SYT16: variants seen among roughly 807,000 people sequenced by gnomAD.
The protein encoded by SYT16 is synaptotagmin-16.
SYT16 carries 42 observed loss-of-function variants against 61.4 expected under a neutral mutation model. The observed-to-expected ratio is 0.68, with a 90% CI of 0.53 to 0.89. SYT16 has a LOEUF of 0.89. Ranked by LOEUF, SYT16 falls within the 40% of genes least tolerant of loss-of-function variation. SYT16 has a pLI of 0.00. For missense variants in SYT16, 804 were observed against 807.3 expected (o/e 1.00, Z 0.05); for synonymous variants, 314 against 302.3 (o/e 1.04, Z -0.40).
chr14:61,966,632 A>G (rs2051325848), intron 1 of SYT16, among the ~76,000 whole-genome samples: 1 of 152,174 alleles, frequency 6.6e-6, no homozygotes, highest in Non-Finnish European at 1.5e-5. Flanking sequence ...TATTTTGCAG[A>G]TTTTATGTAA....
intron 1 of SYT16, among the ~76,000 whole-genome samples, chr14:61,899,795 G>C (rs1012656817): frequency 6.6e-6 from 1 of 152,278 alleles, no homozygotes; most frequent in Admixed American, 6.5e-5. Flanking sequence ...GATGTGAGGA[G>C]GTTCCTTTAT....
At chr14:62,088,863 A>G (rs1352885476) in intron 7 of SYT16, among the ~76,000 whole-genome samples, 1 of 152,174 alleles carries the variant, frequency 6.6e-6, no homozygotes, top group Admixed American at 6.5e-5. Flanking sequence ...GGGGAATACA[A>G]TCTAGTGTGG....
At chr14:61,817,401 A>G (rs1333405511) in intron 1 of SYT16, among the ~76,000 whole-genome samples, 2 of 151,244 alleles carry the variant, frequency 1.3e-5, no homozygotes, top group African/African-American at 2.4e-5. Context: ...CTGGGCAACA[A>G]GAGCAAAACT....
At chr14:62,078,003 A>G (rs1425351361) in intron 5 of SYT16, among the ~76,000 whole-genome samples, 1 of 152,162 alleles carries the variant, frequency 6.6e-6, no homozygotes, top group East Asian at 1.9e-4. Flanking sequence ...ACTAAGAGCT[A>G]TTAACTAACA....
At chr14:61,860,430 T>TGGG (rs1398240936) in intron 1 of SYT16, among the ~76,000 whole-genome samples, 1 of 152,014 alleles carries the variant, frequency 6.6e-6, no homozygotes, top group African/African-American at 2.4e-5. Flanking sequence ...GTGAATAAGG[T>TGGG]GGGGAGGTGC....
chr14:61,983,992 G>A (rs1347712296), intron 2 of SYT16, among the ~76,000 whole-genome samples: 2 of 152,160 alleles, frequency 1.3e-5, no homozygotes, highest in South Asian at 2.1e-4. Context: ...CCTACTTTTA[G>A]GGCATAAACC....
In SYT16 at chr14:62,108,742, A is replaced by G. The variant is rs2057554168; in HGVS notation, c.*8035A>G. The G allele has an allele frequency of 6.6e-6, 1 of 152,226 alleles. No homozygotes were observed. The highest frequency in any genetic ancestry group is 1.5e-5 in the Non-Finnish European group (1 of 68,032). 9.4% of individuals were successfully genotyped at this position (152,226 alleles called of 1,614,324 possible). A position where few individuals can be genotyped will look rare whatever the true frequency, so the allele number is the denominator to read the frequency against. On this transcript the variant is annotated 3_prime_UTR_variant, in exon 8 of 8. Transcript: ENST00000683842. ...CAGTATAGATTTTAAGTTTGTGAAT[A>G]AGAAATTAGTATTTGTATACCTTAT...
chr14:61,856,380 C>T (rs1050295602), intron 1 of SYT16, among the ~76,000 whole-genome samples: 1 of 152,178 alleles, frequency 6.6e-6, no homozygotes, highest in South Asian at 2.1e-4. Context: ...TGGAGATATA[C>T]ACACACTTAT....
intron 7 of SYT16, among the ~76,000 whole-genome samples, chr14:62,093,335 A>T (rs2057158934): frequency 6.6e-6 from 1 of 152,076 alleles, no homozygotes; most frequent in African/African-American, 2.4e-5. Context: ...AAAATGTGTG[A>T]TAAATAGAAA....
chr14:62,034,888 G>C (rs1463562898), intron 3 of SYT16, among the ~76,000 whole-genome samples: 2 of 152,050 alleles, frequency 1.3e-5, no homozygotes, highest in East Asian at 3.9e-4. Context: ...TTTTAAAAAA[G>C]GCTTCCTCAC....
At chr14:61,862,324 T>A (rs1364082125) in intron 1 of SYT16, among the ~76,000 whole-genome samples, 1 of 152,218 alleles carries the variant, frequency 6.6e-6, no homozygotes, top group Non-Finnish European at 1.5e-5. Flanking sequence ...TCCATCATGA[T>A]AGTTTTGTCT....
intron 3 of SYT16, among the ~76,000 whole-genome samples, chr14:62,031,888 C>G (rs568470842): frequency 6.6e-6 from 1 of 151,934 alleles, no homozygotes; most frequent in South Asian, 2.1e-4. Context: ...AAGACTGTTG[C>G]GATAAGGGAG....
At position 62,006,379 on chromosome 14, in the gene SYT16, G is replaced by A. The variant is rs903399922; in HGVS notation, c.523+9837G>A. On this transcript the variant is annotated intron_variant, in intron 3 of 7. Coordinates refer to ENST00000683842, the MANE Select transcript of SYT16 (RefSeq NM_001367656.1). The stretch of plus-strand genomic sequence containing the variant: ...ATTTTAATCGGTGATTTATGTGCAC[G>A]TCTTAAAAAGCCTTGTCAAGCTCGC... Among the ~76,000 whole-genome samples the A allele has an allele frequency of 5.3e-5, 8 of 152,162 alleles. No individual in the cohort carries two copies. The East Asian group carries it at 7.7e-4, about 15-fold the overall frequency.
intron 1 of SYT16, among the ~76,000 whole-genome samples, chr14:61,848,662 C>T (rs996891898): frequency 1.3e-5 from 2 of 152,270 alleles, no homozygotes; most frequent in East Asian, 1.9e-4. Flanking sequence ...CTCTTCAGTG[C>T]GCTGAGTTTC....
At chr14:62,095,646 A>C (rs2057249244) in intron 7 of SYT16, among the ~76,000 whole-genome samples, 1 of 151,950 alleles carries the variant, frequency 6.6e-6, no homozygotes, top group East Asian at 1.9e-4. Flanking sequence ...GTTCATTAGC[A>C]AGAATATTCC....
intron 2 of SYT16, among the ~76,000 whole-genome samples, chr14:61,973,889 C>T (rs770949785): frequency 2.0e-5 from 3 of 152,100 alleles, no homozygotes; most frequent in Non-Finnish European, 4.4e-5. Flanking sequence ...TGAAGTGTTT[C>T]CTGGACCAGA....
intron 1 of SYT16, among the ~76,000 whole-genome samples, chr14:61,921,686 G>C (rs913544864): frequency 6.6e-6 from 1 of 152,136 alleles, no homozygotes; most frequent in Non-Finnish European, 1.5e-5. Flanking sequence ...CATTTTGTTT[G>C]GCCTCTTCTG....
intron 5 of SYT16, among the ~76,000 whole-genome samples, chr14:62,078,155 C>CTCTATATATATATATATA (rs766089633): frequency 8.1e-5 from 11 of 135,936 alleles, no homozygotes; most frequent in African/African-American, 3.2e-4. Context: ...CTCTCTCTCT[C>CTCTATATATATATATATA]TATATATATA....
At chr14:61,820,399 T>C (rs913135979) in intron 1 of SYT16, among the ~76,000 whole-genome samples, 1 of 145,008 alleles carries the variant, frequency 6.9e-6, no homozygotes, top group Non-Finnish European at 1.5e-5. Context: ...CTTCGTGGCC[T>C]ACCCCTCTCA....
Sources: allele counts gnomAD v4.1 joint callset (sites outside exome capture counted in the v4.1 genomes callset), GRCh38; gene constraint gnomAD v4.1.1; transcripts MANE v1.5; gene names NCBI Gene and HGNC (gene_info 2026-07-23, HGNC 2026-07-21).